Variants in THBS4 observed in about 807,000 individuals in gnomAD.
The protein encoded by THBS4 is thrombospondin 4.
Under a neutral mutation model 115.7 loss-of-function variants are expected in THBS4, and 90 were observed. The observed-to-expected ratio is 0.78, with a 90% CI of 0.66 to 0.93. The LOEUF is 0.93. Among genes scored for constraint, THBS4 ranks in the 40% least tolerant of loss-of-function variants. The pLI is 0.00. For synonymous variants in THBS4, 460 were observed against 479.3 expected (o/e 0.96, Z 0.53); for missense variants, 1,087 against 1,232.7 (o/e 0.88, Z 1.77).
Position 80,076,994 on chromosome 5 carries a change from C to T in THBS4, c.2032C>T (p.Pro678Ser). Reference sequence around the variant, plus strand: ...TGATGGTATCCCAGACCTGGTGCCCCCTGGACCAGACAACTGCCGGCTGGT... The same window carrying T: ...TGATGGTATCCCAGACCTGGTGCCCTCTGGACCAGACAACTGCCGGCTGGT... ...DNDGIPDLVP[P>S]GPDNCRLVPN... The change falls in exon 16 of 22, where the codon CCT (proline) becomes TCT (serine). Residue 678 changes from proline to serine, a missense_variant. Pro to Ser is a moderately conservative substitution (Grantham distance 74). Transcript: ENST00000350881. 1 of 1,613,022 alleles carries T rather than the reference C, an allele frequency of 6.2e-7. No homozygotes were observed. The highest frequency in any genetic ancestry group is 8.5e-7 in the Non-Finnish European group (1 of 1,179,518).
intron 16 of THBS4, 108 bp from the exon 17 acceptor site, chr5:80,077,941 T>C (rs988917836): frequency 1.8e-5 from 17 of 934,076 alleles, no homozygotes; most frequent in Non-Finnish European, 2.2e-5. Context: ...ATGGCCCTGG[T>C]TGTGGGAGCT....
intron 2 of THBS4, among the ~76,000 whole-genome samples, chr5:80,045,307 A>G (rs933606209): frequency 1.3e-5 from 2 of 152,190 alleles, no homozygotes; most frequent in African/African-American, 4.8e-5. Context: ...TGTGAAGTGA[A>G]GGAAACCCAA....
At chr5:80,020,995 A>T (rs1464183406) in intron 2 of THBS4, among the ~76,000 whole-genome samples, 1 of 152,224 alleles carries the variant, frequency 6.6e-6, no homozygotes, top group African/African-American at 2.4e-5. Flanking sequence ...ATGTCACCTA[A>T]AATTGAATTA....
At chr5:80,015,921 C>G (rs1228203368) in intron 2 of THBS4, among the ~76,000 whole-genome samples, 2 of 152,180 alleles carry the variant, frequency 1.3e-5, no homozygotes, top group Non-Finnish European at 2.9e-5. Context: ...TGCACGGAAG[C>G]CAATTTAACA....
chr5:80,070,949 T>C, intron 12 of THBS4, 72 bp from the exon 13 acceptor site: 1 of 1,598,954 alleles, frequency 6.3e-7, no homozygotes, highest in Non-Finnish European at 8.5e-7. Flanking sequence ...ACCAGAGTGC[T>C]GATGCTTCAC....
intron 2 of THBS4, among the ~76,000 whole-genome samples, chr5:80,021,038 A>G (rs569418949): frequency 6.6e-6 from 1 of 152,144 alleles, no homozygotes; most frequent in East Asian, 1.9e-4. Context: ...TACTACCACT[A>G]CCTCATCACA....
chr5:80,029,818 A>C (rs1394337797), intron 2 of THBS4, among the ~76,000 whole-genome samples: 1 of 151,886 alleles, frequency 6.6e-6, no homozygotes, highest in Non-Finnish European at 1.5e-5. Context: ...AAAAAAAAAA[A>C]AATTAGCCGG....
chr5:80,078,496 A>G (rs2112166777), intron 17 of THBS4, among the ~76,000 whole-genome samples: 1 of 152,350 alleles, frequency 6.6e-6, no homozygotes, highest in East Asian at 1.9e-4. Flanking sequence ...GGACCCAGGC[A>G]GTCTGACCCT....
rs746744950 is a variant in THBS4, at chr5:80,076,842, C to A, written c.1893-13C>A. 7 of 1,549,388 alleles carry A rather than the reference C, an allele frequency of 4.5e-6. No individual in the cohort carries two copies. The Admixed American group carries it at 1.3e-4, about 28-fold the overall frequency. On this transcript the variant is annotated splice_polypyrimidine_tract_variant and intron_variant, in intron 15 of 21. Transcript: ENST00000350881. ...TGAACTGTGAGCCACATCACCTGTC[C>A]TTTCTCCTGCAGTGATGGAGATGGG...
chr5:80,079,047 A>T lies in THBS4; in HGVS notation c.2315-15A>T, dbSNP rs1361463584. ...GTGGTTTGTCTATTGTTCTAATCTT[A>T]TCTGGTCCCTACAGGGTACACAGCT... On this transcript the variant is annotated splice_polypyrimidine_tract_variant and intron_variant, in intron 18 of 21. Coordinates refer to ENST00000350881, the MANE Select transcript of THBS4 (RefSeq NM_003248.6). The T allele has an allele frequency of 1.2e-6, 2 of 1,612,062 alleles. No homozygotes were observed. The highest frequency in any genetic ancestry group is 2.7e-5 in the African/African-American group (2 of 74,870).
intron 2 of THBS4, among the ~76,000 whole-genome samples, chr5:80,054,986 G>A (rs1160137413): frequency 6.6e-6 from 1 of 152,084 alleles, no homozygotes; most frequent in African/African-American, 2.4e-5. Flanking sequence ...CACTTTCCTT[G>A]TCCATAGTTA....
intron 2 of THBS4, among the ~76,000 whole-genome samples, chr5:80,009,495 A>G (rs1263818659): frequency 6.6e-6 from 1 of 152,196 alleles, no homozygotes; most frequent in Non-Finnish European, 1.5e-5. Flanking sequence ...TAACGTTTAG[A>G]GTCTTTGTGG....
rs1042000975 is a variant in THBS4, at chr5:80,065,380, T to G, written c.1126-29T>G. ...TTTCTATTTAAGCAGCATGTCTCGC[T>G]AAACTTTCTTTGAACTTTTCTGCAC... On this transcript the variant is annotated intron_variant, in intron 8 of 21. Transcript: ENST00000350881. The G allele has an allele frequency of 1.3e-5, 20 of 1,599,102 alleles. No homozygotes were observed. The African/African-American group carries it at 2.4e-4, about 19-fold the overall frequency.
chr5:80,070,436 C>T, intron 11 of THBS4, 26 bp downstream of exon 11: 2 of 1,594,692 alleles, frequency 1.3e-6, no homozygotes, highest in East Asian at 4.5e-5. Context: ...TGGCAGTAGG[C>T]ACACATGCAC....
chr5:80,021,637 G>A (rs536844168), intron 2 of THBS4, among the ~76,000 whole-genome samples: 3 of 152,084 alleles, frequency 2.0e-5, no homozygotes, highest in East Asian at 1.9e-4. Context: ...CTCTACATGC[G>A]CCACTACATC....
At chr5:80,044,045 C>T (rs1357790396) in intron 2 of THBS4, among the ~76,000 whole-genome samples, 1 of 152,218 alleles carries the variant, frequency 6.6e-6, no homozygotes, top group African/African-American at 2.4e-5. Flanking sequence ...GCTCCCTCGA[C>T]ACATATCCTG....
At chr5:80,046,757 G>T (rs1423581756) in intron 2 of THBS4, among the ~76,000 whole-genome samples, 1 of 152,144 alleles carries the variant, frequency 6.6e-6, no homozygotes, top group East Asian at 1.9e-4. Flanking sequence ...ACCGCTAGGG[G>T]TTGCTAAGTC....
intron 1 of THBS4, among the ~76,000 whole-genome samples, chr5:80,038,250 A>G (rs187457859): frequency 1.2e-3 from 188 of 152,244 alleles, no homozygotes; most frequent in Non-Finnish European, 2.0e-3. Context: ...ATGTTGTTGT[A>G]TTGTCTTTCA....
upstream of THBS4, among the ~76,000 whole-genome samples, chr5:80,031,500 T>C: frequency 6.6e-6 from 1 of 152,254 alleles, no homozygotes; most frequent in East Asian, 1.9e-4. Flanking sequence ...CAAACCTCAA[T>C]GGTATACAAA....
Sources: gnomAD v4.1 joint callset for allele counts (sites outside exome capture counted in the v4.1 genomes callset) on GRCh38, gnomAD v4.1.1 for gene constraint, MANE v1.5 for transcripts, NCBI Gene and HGNC (gene_info 2026-07-23, HGNC 2026-07-21) for gene names.